The following CACNA2D3 variants were observed in gnomAD, a reference collection of about 807,000 sequenced individuals.
The protein encoded by CACNA2D3 is voltage-dependent calcium channel subunit alpha-2/delta-3.
CACNA2D3 carries 60 observed loss-of-function variants against 160.6 expected under a neutral mutation model. That is an observed-to-expected ratio of 0.37 (90% CI 0.30 to 0.46). CACNA2D3 has a LOEUF of 0.46. Ranked by LOEUF, CACNA2D3 falls within the 20% of genes least tolerant of loss-of-function variation. CACNA2D3 has a pLI of 1.00. For missense variants in CACNA2D3, 1,205 were observed against 1,365.0 expected (o/e 0.88, Z 1.85); for synonymous variants, 558 against 492.9 (o/e 1.13, Z -1.75).
intron 17 of CACNA2D3, among the ~76,000 whole-genome samples, chr3:54,868,205 A>G (rs1699446485): frequency 6.6e-6 from 1 of 152,182 alleles, no homozygotes; most frequent in Non-Finnish European, 1.5e-5. Context: ...CACTCAAATT[A>G]ATCACTCTGC....
At chr3:54,981,340 C>T (rs532430546) in intron 29 of CACNA2D3, among the ~76,000 whole-genome samples, 2 of 152,308 alleles carry the variant, frequency 1.3e-5, no homozygotes, top group South Asian at 4.1e-4. Flanking sequence ...ACACACAGCA[C>T]ACCAGATTCA....
At position 54,880,803 on chromosome 3, in the gene CACNA2D3, G is replaced by A. The variant is rs777759522; in HGVS notation, c.1852G>A (p.Val618Met). The change falls in exon 21 of 38, where the codon GTG becomes ATG. Residue 618 changes from valine (V) to methionine (M), a missense_variant. Around this residue, in one of 3 missense-constraint regions of CACNA2D3, gnomAD observed 911 missense variants for 1,002.2 expected, o/e 0.91. Coordinates refer to ENST00000474759, the MANE Select transcript of CACNA2D3 (RefSeq NM_018398.3). ...DIKGTPFSLG[V>M]ALSRGHGKYF... is the part of the protein sequence containing the mutation. ...CTTTGTCTCTCTGCACAGTTTAGGT[G>A]TGGCGCTTTCCAGAGGTCATGGGAA... The A allele has an allele frequency of 1.2e-6, 2 of 1,613,728 alleles. No homozygotes were observed. Among genetic ancestry groups the A allele is most frequent in the Non-Finnish European group, 1.7e-6 (2 of 1,179,644 alleles).
intron 16 of CACNA2D3, among the ~76,000 whole-genome samples, chr3:54,841,107 T>C (rs1698810305): frequency 6.6e-6 from 1 of 152,206 alleles, no homozygotes; most frequent in Non-Finnish European, 1.5e-5. Context: ...ATAGTTAAAA[T>C]GATAATAATA....
At chr3:54,804,289 G>A (rs1277131192) in intron 13 of CACNA2D3, among the ~76,000 whole-genome samples, 1 of 151,940 alleles carries the variant, frequency 6.6e-6, no homozygotes, top group African/African-American at 2.4e-5. Context: ...AGACCCATCA[G>A]TGTGCTGTAT....
intron 2 of CACNA2D3, among the ~76,000 whole-genome samples, chr3:54,253,470 A>G (rs1248610650): frequency 6.6e-6 from 1 of 152,114 alleles, no homozygotes; most frequent in Admixed American, 6.5e-5. Context: ...ACACACTTTC[A>G]AATGACCAGA....
intron 13 of CACNA2D3, among the ~76,000 whole-genome samples, chr3:54,808,932 G>A (rs892910961): frequency 5.9e-5 from 9 of 152,272 alleles, no homozygotes; most frequent in Non-Finnish European, 1.2e-4. Flanking sequence ...TGGAGGTTAC[G>A]AAATCAAAGG....
At chr3:54,157,652 A>T (rs1310732469) in intron 2 of CACNA2D3, among the ~76,000 whole-genome samples, 1 of 152,126 alleles carries the variant, frequency 6.6e-6, no homozygotes, top group African/African-American at 2.4e-5. Context: ...TTAGCCGAGC[A>T]TGGTGGTGCA....
intron 2 of CACNA2D3, among the ~76,000 whole-genome samples, chr3:54,191,232 A>G (rs1259414161): frequency 6.6e-6 from 1 of 152,176 alleles, no homozygotes; most frequent in African/African-American, 2.4e-5. Flanking sequence ...AGAGAAGCAG[A>G]AGTGGAGTGG....
At chr3:54,928,669 CTGCTTGCT>C (rs750974664) in intron 27 of CACNA2D3, among the ~76,000 whole-genome samples, 24 of 152,220 alleles carry the variant, frequency 1.6e-4, no homozygotes, top group African/African-American at 4.8e-4. Context: ...AACTTCTCAG[CTGCTTGCT>C]TGCTTGCTTG....
At chr3:54,473,137 A>G (rs1026825091) in intron 4 of CACNA2D3, among the ~76,000 whole-genome samples, 3 of 152,226 alleles carry the variant, frequency 2.0e-5, no homozygotes, top group Non-Finnish European at 4.4e-5. Context: ...AAACTATACT[A>G]CAAGACTACA....
At position 54,922,639 on chromosome 3, in the gene CACNA2D3, A is replaced by G. The variant is rs143547059; in HGVS notation, c.2449+22771A>G. 3.2e-3 allele frequency among the ~76,000 whole-genome samples: 486 copies of G among 152,242 alleles called. 4 individuals are homozygous for G. Among genetic ancestry groups the G allele is most frequent in the African/African-American group, 0.011 (458 of 41,544 alleles). On this transcript the variant is annotated intron_variant, in intron 27 of 37. Transcript: ENST00000474759. Reference sequence around the variant, plus strand: ...CTCATTCCCGCTGAGAACCGCTACAACCATGCAGACACTGTTGACTTCCCT... The same window carrying G: ...CTCATTCCCGCTGAGAACCGCTACAGCCATGCAGACACTGTTGACTTCCCT...
intron 2 of CACNA2D3, among the ~76,000 whole-genome samples, chr3:54,231,738 A>G (rs1701773516): frequency 6.6e-6 from 1 of 152,240 alleles, no homozygotes; most frequent in Admixed American, 6.5e-5. Context: ...TTTCACAAGT[A>G]TTATAATAAA....
At chr3:54,525,387 C>T (rs1022772811) in intron 5 of CACNA2D3, among the ~76,000 whole-genome samples, 2 of 152,078 alleles carry the variant, frequency 1.3e-5, no homozygotes, top group African/African-American at 4.8e-5. Context: ...TTTTGTCTTT[C>T]ATAGTTACAT....
intron 2 of CACNA2D3, among the ~76,000 whole-genome samples, chr3:54,219,052 T>C (rs1388464612): frequency 6.6e-6 from 1 of 152,252 alleles, no homozygotes; most frequent in Non-Finnish European, 1.5e-5. Context: ...TGGGGGTATA[T>C]GGTGCCCTCC....
At chr3:54,469,418 A>T (rs1237599959) in intron 4 of CACNA2D3, among the ~76,000 whole-genome samples, 2 of 152,160 alleles carry the variant, frequency 1.3e-5, no homozygotes, top group African/African-American at 2.4e-5. Context: ...CCTCATCCGA[A>T]TGTCTGTCAC....
At chr3:54,184,974 G>T (rs1010120668) in intron 2 of CACNA2D3, among the ~76,000 whole-genome samples, 1 of 152,210 alleles carries the variant, frequency 6.6e-6, no homozygotes, top group Non-Finnish European at 1.5e-5. Flanking sequence ...TTCATTTGGC[G>T]TTGTGTGACT....
At chr3:54,149,909 CT>C in intron 2 of CACNA2D3, among the ~76,000 whole-genome samples, 6 of 92,020 alleles carry the variant, frequency 6.5e-5, no homozygotes, top group South Asian at 5.1e-4. Context: ...CTCTCTCTCT[CT>C]CTCTCTCTCT....
intron 13 of CACNA2D3, among the ~76,000 whole-genome samples, chr3:54,791,919 A>G (rs1244479669): frequency 1.3e-5 from 2 of 152,188 alleles, no homozygotes; most frequent in African/African-American, 4.8e-5. Flanking sequence ...ATCAGAGAAG[A>G]TGGTTCTAAA....
chr3:54,814,897 A>G (rs1330666689), intron 13 of CACNA2D3, among the ~76,000 whole-genome samples: 3 of 152,138 alleles, frequency 2.0e-5, no homozygotes, highest in Non-Finnish European at 2.9e-5. Flanking sequence ...TTTGGTATTT[A>G]TTTTGCAGTC....
Sources: allele counts gnomAD v4.1 joint callset (sites outside exome capture counted in the v4.1 genomes callset), GRCh38; gene constraint gnomAD v4.1.1; regional missense constraint gnomAD v4.1.1; transcripts MANE v1.5; gene names NCBI Gene and HGNC (gene_info 2026-07-23, HGNC 2026-07-21).